Variants in PTPRD observed in about 807,000 individuals in gnomAD.
PTPRD encodes the protein protein tyrosine phosphatase receptor type D.
Under a neutral mutation model 214.5 loss-of-function variants are expected in PTPRD, and 34 were observed. The ratio of observed to expected loss-of-function variants is 0.16; its 90% CI spans 0.12 to 0.21. PTPRD has a LOEUF of 0.21. Ranked by LOEUF, PTPRD falls within the 10% of genes least tolerant of loss-of-function variation. The pLI, the probability that PTPRD is intolerant of heterozygous loss-of-function variation, is 1.00. For missense variants in PTPRD, 2,545 were observed against 2,398.7 expected, an observed-to-expected ratio of 1.06 and a Z score of -1.27; for synonymous variants, 1,128 against 845.7, an observed-to-expected ratio of 1.33 and a Z score of -5.79.
chr9:9,661,214 C>G (rs1217332553), intron 7 of PTPRD, among the ~76,000 whole-genome samples: 1 of 151,848 alleles, frequency 6.6e-6, no homozygotes, highest in Non-Finnish European at 1.5e-5. Flanking sequence ...TTCCTCATTT[C>G]TCTACATTCC....
chr9:9,721,020 A>T (rs994475999), intron 7 of PTPRD, among the ~76,000 whole-genome samples: 9 of 152,184 alleles, frequency 5.9e-5, no homozygotes, highest in African/African-American at 2.2e-4. Context: ...GTACAAAAAA[A>T]AATAACTGTT....
intron 11 of PTPRD, among the ~76,000 whole-genome samples, chr9:8,957,028 A>G (rs1250766592): frequency 3.3e-5 from 5 of 151,792 alleles, no homozygotes; most frequent in South Asian, 4.1e-4. Context: ...TAAGCTAACT[A>G]TTTAAATCCT....
chr9:8,728,090 AC>A (rs2098606308), intron 12 of PTPRD, among the ~76,000 whole-genome samples: 1 of 152,034 alleles, frequency 6.6e-6, no homozygotes, highest in Non-Finnish European at 1.5e-5. Context: ...TCTACTAAAA[AC>A]ACAAAAAAAT....
intron 9 of PTPRD, among the ~76,000 whole-genome samples, chr9:9,275,128 TTA>T (rs1475134955): frequency 6.0e-5 from 3 of 49,784 alleles, no homozygotes; most frequent in African/African-American, 1.5e-4. Flanking sequence ...ATTATATATA[TTA>T]TATATAATAT....
At chr9:9,048,165 G>A (rs185942517) in intron 10 of PTPRD, among the ~76,000 whole-genome samples, 4 of 152,246 alleles carry the variant, frequency 2.6e-5, no homozygotes, top group Admixed American at 2.0e-4. Context: ...ATACTGGTGA[G>A]GATGTGAATA....
In PTPRD at chr9:8,644,357, G is replaced by A. The variant is rs72499200; in HGVS notation, c.65-7513C>T. On this transcript the variant is annotated intron_variant, in intron 12 of 45. Transcript: ENST00000381196. ...TGGGTCTCCTCTGAGCTTTCCTATT[G>A]CTCAATAAAGCTCTTCTTCGTCTTG... Among the ~76,000 whole-genome samples the A allele has an allele frequency of 4.9e-3, 750 of 152,242 alleles. 18 individuals are homozygous for A. The East Asian group carries it at 0.056, about 11-fold the overall frequency.
chr9:10,017,942 G>T (rs1050415568), intron 4 of PTPRD, among the ~76,000 whole-genome samples: 3 of 152,066 alleles, frequency 2.0e-5, no homozygotes, highest in Non-Finnish European at 4.4e-5. Context: ...AGAACAGCAG[G>T]GGTCCCCAGA....
Position 8,504,319 on chromosome 9 carries a change from G to C in PTPRD, c.1764C>G (p.Arg588=). The C allele has an allele frequency of 1.2e-6, 2 of 1,614,158 alleles. No homozygotes were observed. The highest frequency in any genetic ancestry group is 2.2e-5 in the South Asian group (2 of 91,084). ...NSLYYFRLAA[R]SPQGLGASTA... is the part of the protein sequence containing the mutation. ...TAGAAGCACCCAGGCCTTGAGGGGA[G>C]CGTGCAGCCAGACGGAAATAGTATA... Residue 588 remains arginine, a synonymous_variant, in exon 23 of 46, where the codon CGC becomes CGG. Transcript: ENST00000381196.
At chr9:10,238,446 C>A (rs535413663) in intron 3 of PTPRD, among the ~76,000 whole-genome samples, 3 of 152,026 alleles carry the variant, frequency 2.0e-5, no homozygotes, top group South Asian at 2.1e-4. Context: ...AAACTTCCAA[C>A]CTTCTCCTTG....
At chr9:9,938,897 G>A (rs2090499428) in intron 4 of PTPRD, among the ~76,000 whole-genome samples, 2 of 152,062 alleles carry the variant, frequency 1.3e-5, no homozygotes, top group Admixed American at 1.3e-4. Context: ...ATAAGTAATT[G>A]ATGCGTTAAT....
At chr9:8,948,521 A>G (rs1174494855) in intron 11 of PTPRD, among the ~76,000 whole-genome samples, 1 of 51,764 alleles carries the variant, frequency 1.9e-5, no homozygotes, top group Non-Finnish European at 3.7e-5. Context: ...ATATATATTT[A>G]TATATATATT....
chr9:8,421,172 T>C (rs1200830279), intron 35 of PTPRD, among the ~76,000 whole-genome samples: 1 of 152,168 alleles, frequency 6.6e-6, no homozygotes, highest in African/African-American at 2.4e-5. Flanking sequence ...CATGTGACTA[T>C]GCTTGGAAAG....
At chr9:8,719,232 G>A (rs1170303032) in intron 12 of PTPRD, among the ~76,000 whole-genome samples, 1 of 152,048 alleles carries the variant, frequency 6.6e-6, no homozygotes, top group African/African-American at 2.4e-5. Context: ...ATTTGAAATG[G>A]CACTAACAGC....
chr9:8,426,653 G>A (rs945028560), intron 35 of PTPRD, among the ~76,000 whole-genome samples: 2 of 151,984 alleles, frequency 1.3e-5, no homozygotes, highest in African/African-American at 4.8e-5. Flanking sequence ...AATGAAAGTT[G>A]AAATTGTATG....
chr9:8,786,217 TC>T lies in PTPRD; in HGVS notation c.-103-52272del, dbSNP rs754872607. Among the ~76,000 whole-genome samples the T allele has an allele frequency of 6.3e-4, 96 of 152,276 alleles. 1 individual carries two copies. Among genetic ancestry groups the T allele is most frequent in the Middle Eastern group, 6.8e-3 (2 of 294 alleles). On this transcript the variant is annotated intron_variant, in intron 11 of 45. Coordinates refer to ENST00000381196, the MANE Select transcript of PTPRD (RefSeq NM_002839.4). ...ACGACTCAGAGATAATTGAACTTGTTCCTGTGTTAACTATGAGTTTCATTTT... is the reference window on the plus strand; with the variant it reads ...ACGACTCAGAGATAATTGAACTTGTTCTGTGTTAACTATGAGTTTCATTTT...
intron 35 of PTPRD, among the ~76,000 whole-genome samples, chr9:8,420,035 C>A (rs1311251748): frequency 6.6e-6 from 1 of 152,132 alleles, no homozygotes. Flanking sequence ...AATCCCATCA[C>A]CCCTCACATG....
intron 4 of PTPRD, among the ~76,000 whole-genome samples, chr9:9,955,038 T>G (rs1011348753): frequency 6.6e-6 from 1 of 152,152 alleles, no homozygotes; most frequent in African/African-American, 2.4e-5. Flanking sequence ...CAGGTCAAAC[T>G]AAATGCTAAA....
At chr9:10,146,260 T>C (rs202096867) in intron 3 of PTPRD, among the ~76,000 whole-genome samples, 1 of 151,566 alleles carries the variant, frequency 6.6e-6, no homozygotes, top group Non-Finnish European at 1.5e-5. Context: ...TACATACATA[T>C]ATACATACAT....
intron 11 of PTPRD, among the ~76,000 whole-genome samples, chr9:8,845,182 A>G (rs77639941): frequency 8.0e-6 from 1 of 124,254 alleles, no homozygotes; most frequent in Non-Finnish European, 1.8e-5. Flanking sequence ...AAAAACAAAA[A>G]CAAAAAAAAA....
Sources: allele counts gnomAD v4.1 joint callset (sites outside exome capture counted in the v4.1 genomes callset), GRCh38; gene constraint gnomAD v4.1.1; transcripts MANE v1.5; gene names NCBI Gene and HGNC (gene_info 2026-07-23, HGNC 2026-07-21).